Variants in CNTNAP4 observed in about 807,000 individuals in gnomAD.
CNTNAP4 encodes the protein contactin-associated protein-like 4.
In CNTNAP4, 98 loss-of-function variants were observed where a neutral mutation model predicts 148.4. That is an observed-to-expected ratio of 0.66 (90% CI 0.56 to 0.78). The LOEUF is 0.78. Ranked by LOEUF, CNTNAP4 falls within the 30% of genes least tolerant of loss-of-function variation. The pLI is 0.00. For missense variants in CNTNAP4, 1,935 were observed against 1,565.6 expected (o/e 1.24, Z -3.98); for synonymous variants, 730 against 565.1 (o/e 1.29, Z -4.14).
chr16:76,379,787 G>C (rs1341307055), intron 3 of CNTNAP4, among the ~76,000 whole-genome samples: 1 of 152,130 alleles, frequency 6.6e-6, no homozygotes, highest in Non-Finnish European at 1.5e-5. Flanking sequence ...CAGGACAATG[G>C]TCCTTATCTT....
intron 3 of CNTNAP4, among the ~76,000 whole-genome samples, chr16:76,401,131 T>C (rs181888169): frequency 2.0e-5 from 3 of 152,326 alleles, no homozygotes; most frequent in Admixed American, 1.3e-4. Flanking sequence ...CTTTGGGCAG[T>C]ACGGCCATTT....
chr16:76,518,447 C>G (rs767717035), intron 15 of CNTNAP4, among the ~76,000 whole-genome samples: 1 of 152,084 alleles, frequency 6.6e-6, no homozygotes, highest in Non-Finnish European at 1.5e-5. Context: ...ATTCTAAAAT[C>G]TCTAGTACCC....
intron 17 of CNTNAP4, among the ~76,000 whole-genome samples, chr16:76,534,136 G>A (rs895447604): frequency 6.6e-6 from 1 of 152,126 alleles, no homozygotes; most frequent in African/African-American, 2.4e-5. Flanking sequence ...TGGGGCAAAA[G>A]GGGTCCCCCT....
intron 1 of CNTNAP4, among the ~76,000 whole-genome samples, chr16:76,279,582 A>G (rs1958609860): frequency 6.6e-6 from 1 of 152,268 alleles, no homozygotes; most frequent in South Asian, 2.1e-4. Flanking sequence ...TGGTTTGTTA[A>G]GGAAGTAGTC....
chr16:76,298,357 T>C (rs974249066), intron 1 of CNTNAP4, among the ~76,000 whole-genome samples: 1 of 152,160 alleles, frequency 6.6e-6, no homozygotes, highest in Non-Finnish European at 1.5e-5. Context: ...AGCAGCCATA[T>C]GAAAGGTTGA....
At chr16:76,435,031 G>C (rs181042147) in intron 4 of CNTNAP4, among the ~76,000 whole-genome samples, 1 of 152,242 alleles carries the variant, frequency 6.6e-6, no homozygotes, top group East Asian at 1.9e-4. Context: ...CCAGTGCACA[G>C]TTACCCTGGT....
At chr16:76,519,181 C>G (rs748895615) in intron 15 of CNTNAP4, among the ~76,000 whole-genome samples, 1 of 152,206 alleles carries the variant, frequency 6.6e-6, no homozygotes, top group East Asian at 1.9e-4. Context: ...ACTTCCTTAC[C>G]TCATTTTCTA....
At chr16:76,324,622 T>C (rs1190902069) in intron 2 of CNTNAP4, among the ~76,000 whole-genome samples, 1 of 152,068 alleles carries the variant, frequency 6.6e-6, no homozygotes, top group Non-Finnish European at 1.5e-5. Flanking sequence ...GACGGTAGAG[T>C]CTAGCATGGT....
chr16:76,445,433 G>A (rs530231715), intron 4 of CNTNAP4, among the ~76,000 whole-genome samples: 15 of 152,250 alleles, frequency 9.9e-5, no homozygotes, highest in South Asian at 2.1e-4. Context: ...TGATTCAAAC[G>A]TGATGGGTCA....
At chr16:76,419,021 C>T (rs570318508) in intron 3 of CNTNAP4, among the ~76,000 whole-genome samples, 2 of 152,050 alleles carry the variant, frequency 1.3e-5, no homozygotes, top group East Asian at 1.9e-4. Flanking sequence ...TTGCACTGGA[C>T]TCCTGTTGTG....
At chr16:76,307,687 T>C (rs1165018587) in intron 1 of CNTNAP4, among the ~76,000 whole-genome samples, 1 of 151,950 alleles carries the variant, frequency 6.6e-6, no homozygotes, top group Non-Finnish European at 1.5e-5. Context: ...GATGCTCTCT[T>C]TACTTTCTAA....
chr16:76,477,269 A>T (rs1189950749), intron 11 of CNTNAP4, among the ~76,000 whole-genome samples: 1 of 151,980 alleles, frequency 6.6e-6, no homozygotes, highest in African/African-American at 2.4e-5. Flanking sequence ...ATGTTATTTC[A>T]TTGTCCAGTT....
intron 2 of CNTNAP4, among the ~76,000 whole-genome samples, chr16:76,331,633 C>G (rs1299322009): frequency 6.6e-6 from 1 of 151,514 alleles, no homozygotes; most frequent in African/African-American, 2.4e-5. Flanking sequence ...ATCGCTTTGT[C>G]TCTCCTCTTT....
chr16:76,362,458 A>G (rs1191563642), intron 3 of CNTNAP4, among the ~76,000 whole-genome samples: 1 of 152,214 alleles, frequency 6.6e-6, no homozygotes, highest in Non-Finnish European at 1.5e-5. Flanking sequence ...TGTTTTTTGA[A>G]TATCCAAAAC....
chr16:76,475,114 T>C (rs552067643), intron 10 of CNTNAP4, among the ~76,000 whole-genome samples: 1 of 151,938 alleles, frequency 6.6e-6, no homozygotes, highest in African/African-American at 2.4e-5. Flanking sequence ...GAGGCGGAGG[T>C]TGCAGTGAGC....
intron 1 of CNTNAP4, among the ~76,000 whole-genome samples, chr16:76,307,640 A>G (rs1444112885): frequency 6.6e-6 from 1 of 151,458 alleles, no homozygotes; most frequent in Non-Finnish European, 1.5e-5. Flanking sequence ...TTATCTGTCA[A>G]TAAAAGTCTG....
rs1160853370 is a variant in CNTNAP4, at chr16:76,559,206, T to G, written c.*523T>G. ...CCCCTTTGCCTTTCTCTGTATTATATTCAATACAATACATCAATAGTCTTG... is the reference window on the plus strand; with the variant it reads ...CCCCTTTGCCTTTCTCTGTATTATAGTCAATACAATACATCAATAGTCTTG... On this transcript the variant is annotated 3_prime_UTR_variant, in exon 24 of 24. Transcript: ENST00000611870. 1.3e-5 allele frequency: 2 copies of G among 152,244 alleles called. No individual in the cohort carries two copies. Among genetic ancestry groups the G allele is most frequent in the African/African-American group, 4.8e-5 (2 of 41,458 alleles). 9.4% of individuals were successfully genotyped at this position (152,244 alleles called of 1,614,324 possible). A position where few individuals can be genotyped will look rare whatever the true frequency, so the allele number is the denominator to read the frequency against.
At chr16:76,407,761 A>T (rs1180140804) in intron 3 of CNTNAP4, among the ~76,000 whole-genome samples, 1 of 152,154 alleles carries the variant, frequency 6.6e-6, no homozygotes, top group Non-Finnish European at 1.5e-5. Flanking sequence ...ACAACAAAGG[A>T]TTTAGAATAT....
chr16:76,341,687 G>A (rs995144004), intron 2 of CNTNAP4, among the ~76,000 whole-genome samples: 1 of 152,100 alleles, frequency 6.6e-6, no homozygotes, highest in African/African-American at 2.4e-5. Context: ...TTGGGATATG[G>A]CTTTCAAAGG....
Sources: allele counts gnomAD v4.1 joint callset (sites outside exome capture counted in the v4.1 genomes callset), GRCh38; gene constraint gnomAD v4.1.1; transcripts MANE v1.5; gene names NCBI Gene and HGNC (gene_info 2026-07-23, HGNC 2026-07-21).